The following COMP variants were observed in gnomAD, a reference collection of about 807,000 sequenced individuals.
COMP encodes the protein cartilage oligomeric matrix protein.
COMP carries 79 observed loss-of-function variants against 95.8 expected under a neutral mutation model. The observed-to-expected ratio is 0.82, with a 90% confidence interval of 0.69 to 0.99. The LOEUF is 0.99. COMP is among the 50% of genes least tolerant of loss of function. The pLI, the probability that COMP is intolerant of heterozygous loss-of-function variation, is 0.00. For missense variants in COMP, 906 were observed against 1,076.1 expected (o/e 0.84, Z 2.21); for synonymous variants, 438 against 433.9 (o/e 1.01, Z -0.12).
chr19:18,790,084 G>C lies in COMP; in HGVS notation c.248C>G (p.Pro83Arg). Residue 83 changes from proline (P) to arginine (R), a missense_variant, in exon 4 of 19, where the codon CCC becomes CGC. By Grantham distance (103) the Pro-to-Arg change is moderately radical. Transcript: ENST00000222271. The part of the protein sequence containing the change: ...GMQQSVRTGL[P>R]SVRPLLHCAP... ...GCAGTGGAGCAGGGGCCGCACGCTG[G>C]GTAGGCCGGTGCGTACTGACTGCTG... The C allele has an allele frequency of 6.5e-7, 1 of 1,542,510 alleles. No individual in the cohort carries two copies. The highest frequency in any genetic ancestry group is 2.3e-4 in the Middle Eastern group (1 of 4,366).
chr19:18,785,876 G>T, intron 13 of COMP, 25 bp from the exon 14 acceptor site: 1 of 1,608,662 alleles, frequency 6.2e-7, no homozygotes, highest in African/African-American at 1.3e-5. Flanking sequence ...ACCCCTCGGT[G>T]GGCTAAAGTC....
rs1386195798 is a variant in COMP, at chr19:18,785,030, C to A, written c.1780G>T (p.Asp594Tyr). The A allele has an allele frequency of 1.2e-6, 2 of 1,614,120 alleles. No homozygotes were observed. The highest frequency in any genetic ancestry group is 2.2e-5 in the East Asian group (1 of 44,870). ...GTFHVNTVTD[D>Y]DYAGFIFGYQ... ...CCAAAGATGAAGCCCGCATAGTCGT[C>A]ATCCGTGACCGTGTTCACATGGAAC... is the stretch of plus-strand genomic sequence containing the variant. The change falls in exon 16 of 19, where the codon GAC becomes TAC. Residue 594 changes from aspartate to tyrosine, a missense_variant. Physicochemically the swap from Asp to Tyr is radical, Grantham distance 160. Transcript: ENST00000222271.
intron 15 of COMP, 79 bp from the exon 16 acceptor site, chr19:18,785,171 G>A (rs918269928): frequency 1.9e-5 from 27 of 1,395,350 alleles, no homozygotes; most frequent in Non-Finnish European, 2.5e-5. Flanking sequence ...ACCCAAACCT[G>A]CCCCCTGGGT....
intron 17 of COMP, 148 bp from the exon 18 acceptor site, chr19:18,783,341 TGTG>T (rs1412327420): frequency 1.7e-6 from 2 of 1,157,800 alleles, no homozygotes; most frequent in Admixed American, 2.3e-5. Flanking sequence ...AGTTTCCTGG[TGTG>T]GTGGACATCA....
At chr19:18,783,735 G>C (rs571641363) in intron 17 of COMP, among the ~76,000 whole-genome samples, 1 of 151,952 alleles carries the variant, frequency 6.6e-6, no homozygotes, top group African/African-American at 2.4e-5. Flanking sequence ...TCAGCCTCCT[G>C]AGTAGCCGGG....
Position 18,791,225 on chromosome 19 carries a change from G to A in COMP, c.45C>T (p.Ala15=), listed in dbSNP as rs1355034940. 3.1e-6 allele frequency: 5 copies of A among 1,596,762 alleles called. No individual in the cohort carries two copies. In the African/African-American group the frequency reaches 5.3e-5, roughly 17 times the overall value. ...TCTGGCCCTGTCCGGACGCGCCGAG[G>A]GCAGCCAGGGTGAGCAGAAGAACGC... ...TACVLLLTLA[A]LGASGQGQSP... The change falls in exon 1 of 19, where the codon GCC becomes GCT. Residue 15 remains alanine (A), a synonymous_variant. Coordinates refer to ENST00000222271, the MANE Select transcript of COMP (RefSeq NM_000095.3).
Position 18,784,430 on chromosome 19 carries a change from TG to T in COMP, c.1915-68del, listed in dbSNP as rs1360818186. The T allele has an allele frequency of 5.6e-5, 89 of 1,585,364 alleles. No individual in the cohort carries two copies. Among genetic ancestry groups the T allele is most frequent in the Non-Finnish European group, 7.4e-5 (86 of 1,157,412 alleles). ...ACCGGAGCCCCCCTAGACACCTTCC[TG>T]GAGAGACAGTTGGGAGCAGCAGGTG... is the stretch of plus-strand genomic sequence containing the variant. On this transcript the variant is annotated intron_variant, in intron 16 of 18. Coordinates refer to ENST00000222271, the MANE Select transcript of COMP (RefSeq NM_000095.3). This position sits in a 1 kb window ranked among gnomAD's most constrained non-coding sequence, Gnocchi z 4.9.
At position 18,786,526 on chromosome 19, in the gene COMP, C is replaced by A; in HGVS notation, c.1254+6G>T. On this transcript the variant is annotated splice_donor_region_variant and intron_variant, in intron 11 of 18. Coordinates refer to ENST00000222271, the MANE Select transcript of COMP (RefSeq NM_000095.3). ...CTTACCCAGCTGGAGTCTGGCCTGC[C>A]CTCACCTGATCCGGGTTGCTCTTCT... is the stretch of plus-strand genomic sequence containing the variant. The A allele has an allele frequency of 6.2e-7, 1 of 1,612,242 alleles. No homozygotes were observed. Among genetic ancestry groups the A allele is most frequent in the Non-Finnish European group, 8.5e-7 (1 of 1,178,296 alleles).
chr19:18,787,453 G>A lies in COMP; in HGVS notation c.1135+38C>T. Reference sequence around the variant, plus strand: ...AGCCGAATCCCGCCCTTCGGTGCCCGCCGCCTCTCCTCGCCCCCCAACCCC... The same window carrying A: ...AGCCGAATCCCGCCCTTCGGTGCCCACCGCCTCTCCTCGCCCCCCAACCCC... On this transcript the variant is annotated intron_variant, in intron 10 of 18. Transcript: ENST00000222271. 1.2e-6 allele frequency: 2 copies of A among 1,601,802 alleles called. No individual in the cohort carries two copies. The highest frequency in any genetic ancestry group is 2.7e-5 in the African/African-American group (2 of 74,766).
At chr19:18,785,918 AG>A (rs771885029) in intron 13 of COMP, 46 bp downstream of exon 13, 1 of 1,596,998 alleles carries the variant, frequency 6.3e-7, no homozygotes, top group Admixed American at 1.7e-5. Flanking sequence ...CCGCGCCAGG[AG>A]CCCCCACTGG....
chr19:18,787,357 G>A (rs2145901990), intron 10 of COMP, 134 bp downstream of exon 10: 1 of 1,294,010 alleles, frequency 7.7e-7, no homozygotes, highest in Non-Finnish European at 1.1e-6. Context: ...CCCCACCATG[G>A]TCTTTGGTCC....
chr19:18,789,268 G>C lies in COMP; in HGVS notation c.420C>G (p.Val140=). ...ACCCCGGGCTGGTGTTGATACAGCG[G>C]ACTCGGGGGAAGCAGGGGTGGGCGT... ...ECNAHPCFPR[V]RCINTSPGFR... is the part of the protein sequence containing the mutation. Residue 140 remains valine, a synonymous_variant, in exon 5 of 19, where the codon GTC becomes GTG. Transcript: ENST00000222271. The surrounding 1 kb of genome is among the most constrained non-coding windows in gnomAD (Gnocchi z 6.1). 1 of 1,508,246 alleles carries C rather than the reference G, an allele frequency of 6.6e-7. No homozygotes were observed. The highest frequency in any genetic ancestry group is 1.8e-4 in the Middle Eastern group (1 of 5,558). 93.4% of individuals were successfully genotyped at this position (1,508,246 alleles called of 1,614,324 possible). A position where few individuals can be genotyped will look rare whatever the true frequency, so the allele number is the denominator to read the frequency against.
At chr19:18,787,735 G>A in intron 9 of COMP, 85 bp from the exon 10 acceptor site, 3 of 1,575,034 alleles carry the variant, frequency 1.9e-6, no homozygotes, top group African/African-American at 1.3e-5. Flanking sequence ...CCGAGGACGC[G>A]TCTCCTCCTC....
At chr19:18,783,594 G>A (rs1342463424) in intron 17 of COMP, among the ~76,000 whole-genome samples, 13 of 151,130 alleles carry the variant, frequency 8.6e-5, no homozygotes, top group Non-Finnish European at 8.8e-5. Context: ...CCATGGGCAC[G>A]TGCCACCATG....
rs150008764 is a variant in COMP at position 18,790,128 on chromosome 19, G to A, written c.218-14C>T. 25,333 of 1,520,822 alleles carry A rather than the reference G, an allele frequency of 0.017. 272 individuals are homozygous for A. The highest frequency in any genetic ancestry group is 0.019 in the Non-Finnish European group (21,887 of 1,135,698). 94.2% of individuals were successfully genotyped at this position (1,520,822 alleles called of 1,614,324 possible). On this transcript the variant is annotated splice_polypyrimidine_tract_variant and intron_variant, in intron 3 of 18. Coordinates refer to ENST00000222271, the MANE Select transcript of COMP (RefSeq NM_000095.3). The stretch of plus-strand genomic sequence containing the variant: ...ACTGCTGCATCCCTGCGGGGGGGAG[G>A]GGGGAGAAGCGGCGGGGCTGATCGG...
At chr19:18,785,468 G>T (rs777719687) in intron 15 of COMP, 30 bp downstream of exon 15, 2 of 1,612,198 alleles carry the variant, frequency 1.2e-6, no homozygotes, top group South Asian at 1.1e-5. Flanking sequence ...CCCGCTCCGT[G>T]GCAGGATAGC....
At chr19:18,786,313 G>C (rs751814855) in intron 11 of COMP, 22 bp from the exon 12 acceptor site, 2 of 1,613,608 alleles carry the variant, frequency 1.2e-6, no homozygotes, top group Non-Finnish European at 1.7e-6. Context: ...AGCATGCGGG[G>C]GTCCATAATC....
chr19:18,785,661 C>A lies in COMP; in HGVS notation c.1668+12G>T. The stretch of plus-strand genomic sequence containing the variant: ...AGGGTCCCATCACCCCCCACGTGGA[C>A]CCCGCTCCCACCTGGTTGAGCACCA... On this transcript the variant is annotated intron_variant, in intron 14 of 18. Coordinates refer to ENST00000222271, the MANE Select transcript of COMP (RefSeq NM_000095.3). 1 of 1,613,350 alleles carries A rather than the reference C, an allele frequency of 6.2e-7. No individual in the cohort carries two copies. Among genetic ancestry groups the A allele is most frequent in the East Asian group, 2.2e-5 (1 of 44,888 alleles).
intron 1 of COMP, 95 bp from the exon 2 acceptor site, chr19:18,791,030 ACTGCGCTC>A: frequency 6.6e-7 from 1 of 1,522,788 alleles, no homozygotes; most frequent in Non-Finnish European, 8.8e-7. Flanking sequence ...CCGAGGCCCC[ACTGCGCTC>A]CTCTAGTCTC....
Sources: allele counts gnomAD v4.1 joint callset (sites outside exome capture counted in the v4.1 genomes callset), GRCh38; gene constraint gnomAD v4.1.1; non-coding constraint Gnocchi (gnomAD v3.1); transcripts MANE v1.5; gene names NCBI Gene and HGNC (gene_info 2026-07-23, HGNC 2026-07-21).